Variants in STX16 observed in about 807,000 individuals in gnomAD.
STX16 encodes the protein syntaxin 16.
Under a neutral mutation model 42.7 loss-of-function variants are expected in STX16, and 28 were observed. That is an observed-to-expected ratio of 0.66 (90% confidence interval 0.49 to 0.90). STX16 has a LOEUF of 0.90. STX16 is among the 40% of genes least tolerant of loss of function. The pLI, the probability that STX16 is intolerant of heterozygous loss-of-function variation, is 0.00. For synonymous variants in STX16, 156 were observed against 155.2 expected (o/e 1.00, Z -0.04); for missense variants, 361 against 420.9 (o/e 0.86, Z 1.24).
At chr20:58,675,608 C>A (rs979519846) in intron 8 of STX16, among the ~76,000 whole-genome samples, 1 of 152,184 alleles carries the variant, frequency 6.6e-6, no homozygotes, top group Non-Finnish European at 1.5e-5. Context: ...ACTGGGAGGA[C>A]GCGCCTCAGA....
rs1264989649 is a variant in STX16, at chr20:58,676,834, C to G, written c.*543C>G. The G allele has an allele frequency of 4.6e-5, 7 of 152,644 alleles. No homozygotes were observed. Among genetic ancestry groups the G allele is most frequent in the African/African-American group, 1.7e-4 (7 of 41,518 alleles). 9.5% of individuals were successfully genotyped at this position (152,644 alleles called of 1,614,324 possible). A position where few individuals can be genotyped will look rare whatever the true frequency, so the allele number is the denominator to read the frequency against. ...TCCTTTAAGAATTTATAATCCGTTC[C>G]CCATTAACTTAATTTAGCTTTTCCA... On this transcript the variant is annotated 3_prime_UTR_variant, in exon 9 of 9. Transcript: ENST00000371141.
chr20:58,663,499 G>A (rs559118081), intron 2 of STX16, among the ~76,000 whole-genome samples: 1 of 152,252 alleles, frequency 6.6e-6, no homozygotes, highest in East Asian at 1.9e-4. Flanking sequence ...ACATCTGTTG[G>A]ATTTTTTCTG....
rs2083947457 is a variant in STX16, at chr20:58,670,694, C to G, written c.648+91C>G. The G allele has an allele frequency of 7.6e-6, 8 of 1,048,168 alleles. No individual in the cohort carries two copies. The South Asian group carries it at 1.1e-4, about 14-fold the overall frequency. The allele number at this position is 1,048,168 out of a possible 1,614,324, so 64.9% of individuals were successfully genotyped here. ...TAGACCTCGATCTTCTGTGCAGTGTCAGTGGATTGATACAGTTGACTTGTA... is the reference window on the plus strand; with the variant it reads ...TAGACCTCGATCTTCTGTGCAGTGTGAGTGGATTGATACAGTTGACTTGTA... On this transcript the variant is annotated intron_variant, in intron 6 of 8. Coordinates refer to ENST00000371141, the MANE Select transcript of STX16 (RefSeq NM_001001433.3).
At chr20:58,671,895 A>G (rs1219027530) in intron 7 of STX16, among the ~76,000 whole-genome samples, 1 of 152,168 alleles carries the variant, frequency 6.6e-6, no homozygotes, top group East Asian at 1.9e-4. Context: ...ATACATAGCA[A>G]TCCTAATCAG....
rs2083604629 is a variant in STX16, at chr20:58,657,220, G to A, written c.133-2403G>A. Among the ~76,000 whole-genome samples the A allele has an allele frequency of 6.6e-6, 1 of 152,184 alleles. No homozygotes were observed. The highest frequency in any genetic ancestry group is 1.5e-5 in the Non-Finnish European group (1 of 68,032). On this transcript the variant is annotated intron_variant, in intron 1 of 8. Coordinates refer to ENST00000371141, the MANE Select transcript of STX16 (RefSeq NM_001001433.3). The surrounding 1 kb of genome is among the most constrained non-coding windows in gnomAD (Gnocchi z 4.2). ...TGCAGATTGAAGATTCTAAGTTTTA[G>A]TACAAGCTGAGTCTGTTGGAAAATT...
intron 1 of STX16, among the ~76,000 whole-genome samples, chr20:58,655,148 C>G (rs887951345): frequency 1.3e-5 from 2 of 152,014 alleles, no homozygotes; most frequent in African/African-American, 4.8e-5. Context: ...AGACTTTGAT[C>G]TTGATGCATT....
chr20:58,670,007 G>GT (rs2083931164), intron 5 of STX16, among the ~76,000 whole-genome samples: 2 of 152,100 alleles, frequency 1.3e-5, no homozygotes, highest in Non-Finnish European at 2.9e-5. Flanking sequence ...TGTAAACTGG[G>GT]TTTTTTAAAA....
rs190363922 is a variant in STX16 at position 58,660,709 on chromosome 20, G to A, written c.144+1075G>A. On this transcript the variant is annotated intron_variant, in intron 2 of 8. Transcript: ENST00000371141. Reference sequence around the variant, plus strand: ...GAGCAGCATGGATAATATGATTCCTGCTCCTTTTTTTTTTTTTTTTTTTTT... The same window carrying A: ...GAGCAGCATGGATAATATGATTCCTACTCCTTTTTTTTTTTTTTTTTTTTT... Among the ~76,000 whole-genome samples, 41 of 120,898 alleles carry A rather than the reference G, an allele frequency of 3.4e-4. No individual in the cohort carries two copies. The East Asian group carries it at 0.011, about 31-fold the overall frequency. 79.3% of individuals were successfully genotyped at this position (120,898 alleles called of 152,430 possible). A position where few individuals can be genotyped will look rare whatever the true frequency, so the allele number is the denominator to read the frequency against.
intron 2 of STX16, among the ~76,000 whole-genome samples, chr20:58,664,989 C>A (rs2083783475): frequency 6.6e-6 from 1 of 152,190 alleles, no homozygotes; most frequent in African/African-American, 2.4e-5. Context: ...AGCTGGAGTT[C>A]AAGTTCTGTT....
At chr20:58,671,399 C>T (rs957901032) in intron 7 of STX16, 102 bp downstream of exon 7, 2 of 1,204,160 alleles carry the variant, frequency 1.7e-6, no homozygotes, top group African/African-American at 3.3e-5. Flanking sequence ...AGCCAATTTT[C>T]CCAACATGTG....
chr20:58,667,354 G>A, intron 2 of STX16, 136 bp from the exon 3 acceptor site: 1 of 778,456 alleles, frequency 1.3e-6, no homozygotes, highest in Non-Finnish European at 2.2e-6. Context: ...TATTTTCAGG[G>A]AGCAACATTT....
Position 58,670,614 on chromosome 20 carries a change from G to A in STX16, c.648+11G>A, listed in dbSNP as rs760561464. ...ACTCTTTACCATCGGGTACGTGAAC[G>A]GGCTGCAAAGCTGATTGCTGTGTCT... On this transcript the variant is annotated intron_variant, in intron 6 of 8. Coordinates refer to ENST00000371141, the MANE Select transcript of STX16 (RefSeq NM_001001433.3). 1.9e-5 allele frequency: 30 copies of A among 1,610,526 alleles called. No individual in the cohort carries two copies. Among genetic ancestry groups the A allele is most frequent in the Middle Eastern group, 3.3e-4 (2 of 6,076 alleles).
chr20:58,669,802 A>G lies in STX16; in HGVS notation c.556+349A>G, dbSNP rs577593594. On this transcript the variant is annotated intron_variant, in intron 5 of 8. Transcript: ENST00000371141. ...TGGGGTTTGGGAGAGCTGCTCTTCAATAGGTAAAAAGCAGTTGTTATTACT... is the reference window on the plus strand; with the variant it reads ...TGGGGTTTGGGAGAGCTGCTCTTCAGTAGGTAAAAAGCAGTTGTTATTACT... Among the ~76,000 whole-genome samples the G allele has an allele frequency of 3.3e-5, 5 of 152,358 alleles. No homozygotes were observed. The South Asian group carries it at 6.2e-4, about 19-fold the overall frequency.
In STX16 at chr20:58,651,617, G is replaced by A. The variant is rs1005109379; in HGVS notation, c.-390G>A. On this transcript the variant is annotated 5_prime_UTR_variant, in exon 1 of 9. Coordinates refer to ENST00000371141, the MANE Select transcript of STX16 (RefSeq NM_001001433.3). Reference sequence around the variant, plus strand: ...TTAGGGGTAGAGAGCAGAGACCTCCGGGGGGTCTCAGGGAGTAGGGGGCTT... The same window carrying A: ...TTAGGGGTAGAGAGCAGAGACCTCCAGGGGGTCTCAGGGAGTAGGGGGCTT... The A allele has an allele frequency of 5.1e-6, 1 of 196,690 alleles. No individual in the cohort carries two copies. The highest frequency in any genetic ancestry group is 1.1e-5 in the Non-Finnish European group (1 of 93,018). 12.2% of individuals were successfully genotyped at this position (196,690 alleles called of 1,614,324 possible).
At chr20:58,658,086 A>G (rs2083619134) in intron 1 of STX16, among the ~76,000 whole-genome samples, 1 of 152,248 alleles carries the variant, frequency 6.6e-6, no homozygotes, top group Non-Finnish European at 1.5e-5. Flanking sequence ...TAATAATTGT[A>G]GAAATCAGAA....
In STX16 at chr20:58,676,474, G is replaced by A. The variant is rs1052642; in HGVS notation, c.*183G>A. On this transcript the variant is annotated 3_prime_UTR_variant, in exon 9 of 9. Coordinates refer to ENST00000371141, the MANE Select transcript of STX16 (RefSeq NM_001001433.3). ...CCTGCTCAAGCGGTCCGGGGAATGG[G>A]TTTTTGTTTTTCCTTCATTGTTGAG... is the stretch of plus-strand genomic sequence containing the variant. 2 of 574,264 alleles carry A rather than the reference G, an allele frequency of 3.5e-6. No homozygotes were observed. Among genetic ancestry groups the A allele is most frequent in the South Asian group, 4.7e-5 (2 of 42,728 alleles). 35.6% of individuals were successfully genotyped at this position (574,264 alleles called of 1,614,324 possible).
chr20:58,677,409 G>A lies in STX16; in HGVS notation c.*1118G>A, dbSNP rs1162481763. On this transcript the variant is annotated 3_prime_UTR_variant, in exon 9 of 9. Transcript: ENST00000371141. ...GAAGCAGGCACATTGCCAAGGACTG[G>A]GGGCATCTTGACTAGGAAGCTCCTC... 6.6e-6 allele frequency: 1 copy of A among 152,614 alleles called. No homozygotes were observed. The highest frequency in any genetic ancestry group is 2.4e-5 in the African/African-American group (1 of 41,456). The allele number at this position is 152,614 out of a possible 1,614,324, so 9.5% of individuals were successfully genotyped here.
intron 1 of STX16, among the ~76,000 whole-genome samples, chr20:58,654,770 A>C (rs1030489349): frequency 1.3e-5 from 2 of 152,204 alleles, no homozygotes; most frequent in Non-Finnish European, 2.9e-5. Context: ...ACATTTGCTA[A>C]TTTTATTAGA....
chr20:58,672,780 T>C (rs2084011579), intron 7 of STX16, among the ~76,000 whole-genome samples: 2 of 152,180 alleles, frequency 1.3e-5, no homozygotes, highest in African/African-American at 4.8e-5. Flanking sequence ...TTTTGGCAGG[T>C]TATTGTGTAA....
Sources: allele counts gnomAD v4.1 joint callset (sites outside exome capture counted in the v4.1 genomes callset), GRCh38; gene constraint gnomAD v4.1.1; non-coding constraint Gnocchi (gnomAD v3.1); transcripts MANE v1.5; gene names NCBI Gene and HGNC (gene_info 2026-07-23, HGNC 2026-07-21).